Variants in MAU2 observed in about 807,000 individuals in gnomAD.
MAU2 encodes the protein MAU2 chromatid cohesion factor homolog.
In MAU2, 9 loss-of-function variants were observed where a neutral mutation model predicts 89.1. The observed-to-expected ratio is 0.10, with a 90% CI of 0.06 to 0.18. The LOEUF is 0.18. Ranked by LOEUF, MAU2 falls within the 10% of genes least tolerant of loss-of-function variation. The probability of loss-of-function intolerance (pLI) is 1.00; values close to 1 mark genes in which losing one functional copy is unlikely to be tolerated. For missense variants in MAU2, 425 were observed against 803.5 expected (o/e 0.53, Z 5.69); for synonymous variants, 357 against 343.4 (o/e 1.04, Z -0.44).
intron 16 of MAU2, chr19:19,352,306 G>A (rs767287482): frequency 2.6e-5 from 4 of 152,100 alleles, no homozygotes; most frequent in Non-Finnish European, 5.9e-5. Flanking sequence ...GGCCTGTAAA[G>A]TTTCACGTGA....
rs558102174 is a variant in MAU2, at chr19:19,340,888, G to C, written c.579+15G>C. ...GCAAGGGGATGGTAAGTTGAGGCTG[G>C]GCATGGCTGGATGCAGCTGGTGTTG... is the stretch of plus-strand genomic sequence containing the variant. On this transcript the variant is annotated intron_variant, in intron 6 of 18. Coordinates refer to ENST00000262815, the MANE Select transcript of MAU2 (RefSeq NM_015329.4). 42 of 1,613,024 alleles carry C rather than the reference G, an allele frequency of 2.6e-5. No individual in the cohort carries two copies. In the South Asian group the frequency reaches 4.6e-4, roughly 18 times the overall value.
intron 1 of MAU2, among the ~76,000 whole-genome samples, chr19:19,324,286 C>A (rs2061486945): frequency 1.3e-5 from 2 of 152,238 alleles, no homozygotes; most frequent in Middle Eastern, 6.8e-3. Flanking sequence ...GCCTGGAGAA[C>A]CACTCGGGGG....
In MAU2 at chr19:19,358,074, T is replaced by C. The variant is rs1325414460; in HGVS notation, c.*2292T>C. On this transcript the variant is annotated 3_prime_UTR_variant, in exon 19 of 19. Transcript: ENST00000262815. ...TCCAGCCTGGGTGACGGTGAGACTT[T>C]GTCTCAAAAAAAAAAAAAAAAACAA... The C allele has an allele frequency of 1.4e-5, 2 of 147,012 alleles. No homozygotes were observed. Among genetic ancestry groups the C allele is most frequent in the African/African-American group, 2.5e-5 (1 of 39,838 alleles). 9.1% of individuals were successfully genotyped at this position (147,012 alleles called of 1,614,324 possible). A position where few individuals can be genotyped will look rare whatever the true frequency, so the allele number is the denominator to read the frequency against.
intron 13 of MAU2, chr19:19,348,374 G>C (rs2061712704): frequency 4.9e-6 from 1 of 202,852 alleles, no homozygotes. Context: ...AAAGGAAAAA[G>C]AAAGCCCAGC....
At position 19,355,841 on chromosome 19, in the gene MAU2, C is replaced by A; in HGVS notation, c.*59C>A. 6.7e-7 allele frequency: 1 copy of A among 1,493,070 alleles called. No individual in the cohort carries two copies. Among genetic ancestry groups the A allele is most frequent in the Non-Finnish European group, 9.2e-7 (1 of 1,083,314 alleles). The allele number at this position is 1,493,070 out of a possible 1,614,324, so 92.5% of individuals were successfully genotyped here. ...TGCGCGTCTCCGGCTTCCACCCAGA[C>A]GGCACTCAAGCCTGCCCCCGAGGCG... On this transcript the variant is annotated 3_prime_UTR_variant, in exon 19 of 19. Transcript: ENST00000262815.
At chr19:19,321,725 G>C (rs1295264752) in intron 1 of MAU2, 1 of 152,178 alleles carries the variant, frequency 6.6e-6, no homozygotes, top group African/African-American at 2.4e-5. Context: ...TCGTACGAGG[G>C]AAGCTGAGAC....
At chr19:19,334,208 A>C (rs1188829926) in intron 1 of MAU2, 2 of 980,966 alleles carry the variant, frequency 2.0e-6, no homozygotes, top group East Asian at 2.3e-4. Context: ...CTGGGGCCAC[A>C]CTTCTGACGG....
chr19:19,329,808 A>T (rs980808486), intron 1 of MAU2, among the ~76,000 whole-genome samples: 12 of 151,408 alleles, frequency 7.9e-5, no homozygotes, highest in Admixed American at 1.3e-4. Context: ...AAAAAAAAAA[A>T]TTGAAAAATT....
intron 16 of MAU2, among the ~76,000 whole-genome samples, chr19:19,349,975 ATTTTTTTT>A (rs34536394): frequency 1.8e-5 from 2 of 111,258 alleles, no homozygotes; most frequent in East Asian, 5.1e-4. Flanking sequence ...GAGGTCTTGA[ATTTTTTTT>A]TTTTTTTTTT....
intron 7 of MAU2, among the ~76,000 whole-genome samples, chr19:19,342,059 T>C (rs1301829707): frequency 6.6e-6 from 1 of 152,084 alleles, no homozygotes; most frequent in East Asian, 1.9e-4. Flanking sequence ...ACTCGGCGCA[T>C]AGGGACACAG....
chr19:19,322,290 G>A (rs951264461), intron 1 of MAU2, among the ~76,000 whole-genome samples: 8 of 152,068 alleles, frequency 5.3e-5, no homozygotes, highest in African/African-American at 1.2e-4. Context: ...GAGCCACCGC[G>A]CCCGGCCCCT....
intron 1 of MAU2, chr19:19,334,094 T>C: frequency 1.1e-6 from 1 of 879,946 alleles, no homozygotes; most frequent in African/African-American, 1.8e-5. Context: ...CTCAGTGGGA[T>C]GCAGCAGCTT....
At chr19:19,342,437 C>A in intron 7 of MAU2, 98 bp from the exon 8 acceptor site, 1 of 1,416,988 alleles carries the variant, frequency 7.1e-7, no homozygotes, top group Non-Finnish European at 9.4e-7. Context: ...AAGGGGAAGG[C>A]AGATGCTCCC....
chr19:19,341,971 A>G (rs2061652160), intron 7 of MAU2, among the ~76,000 whole-genome samples: 2 of 152,090 alleles, frequency 1.3e-5, no homozygotes, highest in African/African-American at 4.8e-5. Context: ...GCCACAGGCG[A>G]GTCTCCACAG....
At position 19,345,521 on chromosome 19, in the gene MAU2, C is replaced by A; in HGVS notation, c.1221+152C>A. On this transcript the variant is annotated intron_variant, in intron 12 of 18. Coordinates refer to ENST00000262815, the MANE Select transcript of MAU2 (RefSeq NM_015329.4). The surrounding 1 kb of genome is among the most constrained non-coding windows in gnomAD (Gnocchi z 4.9). ...TGCACAGTAGTCAGCCCATGCCAGC[C>A]TTGGCAGTGACGCGCTGTTTATCTG... The A allele has an allele frequency of 1.3e-6, 1 of 748,828 alleles. No homozygotes were observed. Among genetic ancestry groups the A allele is most frequent in the Non-Finnish European group, 2.3e-6 (1 of 440,216 alleles). The allele number at this position is 748,828 out of a possible 1,614,324, so 46.4% of individuals were successfully genotyped here.
intron 9 of MAU2, among the ~76,000 whole-genome samples, chr19:19,343,482 C>A (rs907741759): frequency 6.6e-6 from 1 of 152,164 alleles, no homozygotes; most frequent in Non-Finnish European, 1.5e-5. Context: ...GTCCCCCTAC[C>A]CGACTGCCTG....
In MAU2 at chr19:19,326,408, C is replaced by T. The variant is rs540148664; in HGVS notation, c.276+5273C>T. Among the ~76,000 whole-genome samples the T allele has an allele frequency of 9.9e-5, 15 of 151,786 alleles. No homozygotes were observed. The East Asian group carries it at 1.2e-3, about 12-fold the overall frequency. On this transcript the variant is annotated intron_variant, in intron 1 of 18. Coordinates refer to ENST00000262815, the MANE Select transcript of MAU2 (RefSeq NM_015329.4). ...TCTCTACCAGAAAAAAAAATATAGCCGGGCGCGGTGGCTCACGCCTGTAAT... is the reference window on the plus strand; with the variant it reads ...TCTCTACCAGAAAAAAAAATATAGCTGGGCGCGGTGGCTCACGCCTGTAAT...
At chr19:19,355,496 A>C in intron 18 of MAU2, 105 bp downstream of exon 18, 2 of 1,503,488 alleles carry the variant, frequency 1.3e-6, no homozygotes, top group Non-Finnish European at 1.8e-6. Context: ...ACAAACCCTA[A>C]CTCAGCCTCA....
intron 13 of MAU2, chr19:19,347,791 G>T (rs1376710987): frequency 6.3e-6 from 1 of 159,024 alleles, no homozygotes; most frequent in Non-Finnish European, 1.4e-5. Flanking sequence ...GGGTGGGGAT[G>T]CCCAGGGTTG....
Sources: gnomAD v4.1 joint callset for allele counts (sites outside exome capture counted in the v4.1 genomes callset) on GRCh38, gnomAD v4.1.1 for gene constraint, Gnocchi (gnomAD v3.1) non-coding constraint, MANE v1.5 for transcripts, NCBI Gene and HGNC (gene_info 2026-07-23, HGNC 2026-07-21) for gene names.